The following PDE6B variants were observed in gnomAD, a reference collection of about 807,000 sequenced individuals.
PDE6B encodes the protein phosphodiesterase 6B, also known as rod cGMP-specific 3',5'-cyclic phosphodiesterase subunit beta.
In PDE6B, 106 loss-of-function variants were observed where a neutral mutation model predicts 109.0. The observed-to-expected ratio is 0.97, with a 90% CI of 0.83 to 1.14. PDE6B has a LOEUF of 1.14. PDE6B is among the 50% of genes most tolerant of loss of function. The pLI is 0.00. For missense variants in PDE6B, 1,193 were observed against 1,155.6 expected, an observed-to-expected ratio of 1.03 and a Z score of -0.47; for synonymous variants, 490 against 471.3, an observed-to-expected ratio of 1.04 and a Z score of -0.51.
intron 11 of PDE6B, 37 bp downstream of exon 11, chr4:659,054 GCC>G: frequency 6.7e-7 from 1 of 1,496,166 alleles, no homozygotes; most frequent in Non-Finnish European, 9.3e-7. Flanking sequence ...ATGGAGGCCG[GCC>G]ACGTGTGAGG....
intron 3 of PDE6B, among the ~76,000 whole-genome samples, chr4:643,710 A>G (rs1735055059): frequency 6.6e-6 from 1 of 151,944 alleles, no homozygotes; most frequent in Non-Finnish European, 1.5e-5. Flanking sequence ...TAGAGTTGTC[A>G]TAATATTTAT....
intron 1 of PDE6B, among the ~76,000 whole-genome samples, chr4:627,232 G>A (rs1201508983): frequency 1.3e-5 from 2 of 151,052 alleles, no homozygotes; most frequent in African/African-American, 2.4e-5. Flanking sequence ...TGCAACCTCC[G>A]TCTCCCACGT....
chr4:631,848 C>A (rs1734402672), intron 1 of PDE6B, among the ~76,000 whole-genome samples: 1 of 151,730 alleles, frequency 6.6e-6, no homozygotes, highest in South Asian at 2.1e-4. Context: ...GTGGCACCAT[C>A]TGAGGGTCAC....
Position 659,018 on chromosome 4 carries a change from G to C in PDE6B, c.1467+1G>C, listed in dbSNP as rs527236089. 1.2e-6 allele frequency: 2 copies of C among 1,612,078 alleles called. No homozygotes were observed. The highest frequency in any genetic ancestry group is 4.5e-5 in the East Asian group (2 of 44,870). On this transcript the variant is annotated splice_donor_variant, in intron 11 of 21. Transcript: ENST00000496514. LOFTEE classifies it high-confidence loss of function. ...TGAGGACGAGCTGGGCGAAATCCTG[G>C]TAAGAACCTTGCTCCCGTCCCTCCC...
intron 11 of PDE6B, among the ~76,000 whole-genome samples, chr4:660,052 GGTGTGCCTGGGTGCTCATGT>G (rs1736878614): frequency 6.6e-6 from 1 of 151,870 alleles, no homozygotes; most frequent in Non-Finnish European, 1.5e-5. Context: ...CATGTCTGTG[GGTGTGCCTGGGTGCTCATGT>G]GTGTGCCTGT....
At chr4:654,364 G>T (rs758757975) in intron 5 of PDE6B, 1 of 678,250 alleles carries the variant, frequency 1.5e-6, no homozygotes, top group East Asian at 2.7e-5. Flanking sequence ...CTGAATGAGG[G>T]CCGCCAGGCT....
chr4:647,897 AC>A (rs567131862), intron 3 of PDE6B, among the ~76,000 whole-genome samples: 1 of 151,842 alleles, frequency 6.6e-6, no homozygotes, highest in Non-Finnish European at 1.5e-5. Context: ...AAATGGTGAA[AC>A]CCCATCTCTA....
At chr4:652,520 C>T in intron 3 of PDE6B, 1 of 984,016 alleles carries the variant, frequency 1.0e-6, no homozygotes, top group South Asian at 4.7e-5. Flanking sequence ...GTGGCGGCCA[C>T]CACTGCCGTT....
At chr4:628,337 C>T (rs1172793846) in intron 1 of PDE6B, among the ~76,000 whole-genome samples, 4 of 152,212 alleles carry the variant, frequency 2.6e-5, no homozygotes, top group South Asian at 2.1e-4. Context: ...TGAGCCGCAC[C>T]GGCCAGTTCA....
In PDE6B at chr4:665,081, C is replaced by A; in HGVS notation, c.2193+137C>A. The A allele has an allele frequency of 2.4e-6, 2 of 848,196 alleles. No individual in the cohort carries two copies. Among genetic ancestry groups the A allele is most frequent in the Non-Finnish European group, 4.0e-6 (2 of 501,312 alleles). The allele number at this position is 848,196 out of a possible 1,614,324, so 52.5% of individuals were successfully genotyped here. A position where few individuals can be genotyped will look rare whatever the true frequency, so the allele number is the denominator to read the frequency against. On this transcript the variant is annotated intron_variant, in intron 18 of 21. Coordinates refer to ENST00000496514, the MANE Select transcript of PDE6B (RefSeq NM_000283.4). This position sits in a 1 kb window ranked among gnomAD's most constrained non-coding sequence, Gnocchi z 4.0. Reference sequence around the variant, plus strand: ...GGGCCACCTCGGGGCCAGGCCAGGGCGGCAAGGATGGGGGTACTGCAGTGT... The same window carrying A: ...GGGCCACCTCGGGGCCAGGCCAGGGAGGCAAGGATGGGGGTACTGCAGTGT...
At chr4:627,997 C>T (rs1210856604) in intron 1 of PDE6B, among the ~76,000 whole-genome samples, 5 of 152,210 alleles carry the variant, frequency 3.3e-5, no homozygotes, top group East Asian at 1.9e-4. Flanking sequence ...GTGCCATGGC[C>T]GCACCTGCCC....
intron 20 of PDE6B, among the ~76,000 whole-genome samples, chr4:667,485 T>G (rs548716034): frequency 1.3e-5 from 2 of 152,318 alleles, no homozygotes; most frequent in South Asian, 4.1e-4. Flanking sequence ...GCATGATGTG[T>G]GCCGTGTGTG....
chr4:663,836 G>T lies in PDE6B; in HGVS notation c.1987G>T (p.Ala663Ser). The T allele has an allele frequency of 6.2e-7, 1 of 1,611,932 alleles. No individual in the cohort carries two copies. ...GCACGTGATCCACCTGATGGACATC[G>T]CCATCATCGCCACGGACCTGGCCCT... The part of the protein sequence containing the change: ...HEHVIHLMDI[A>S]IIATDLALYF... Residue 663 changes from alanine to serine, a missense_variant, in exon 16 of 22, where the codon GCC becomes TCC. Physicochemically the swap from Ala to Ser is moderately conservative, Grantham distance 99. Transcript: ENST00000496514. This position sits in a 1 kb window ranked among gnomAD's most constrained non-coding sequence, Gnocchi z 4.0.
At chr4:655,044 G>C in intron 6 of PDE6B, 156 bp downstream of exon 6, 1 of 668,846 alleles carries the variant, frequency 1.5e-6, no homozygotes, top group Non-Finnish European at 2.7e-6. Context: ...GTGCCGTGGG[G>C]CATAGTGGAG....
chr4:635,974 C>G lies in PDE6B; in HGVS notation c.711+5C>G, dbSNP rs771400327. Reference sequence around the variant, plus strand: ...TGCGAGACGCGCCGCGGCCAGGTACCCACACGCTGAGCACAGCTCTGCCCA... The same window carrying G: ...TGCGAGACGCGCCGCGGCCAGGTACGCACACGCTGAGCACAGCTCTGCCCA... On this transcript the variant is annotated splice_donor_5th_base_variant and intron_variant, in intron 3 of 21. Transcript: ENST00000496514. 7.1e-6 allele frequency: 11 copies of G among 1,558,576 alleles called. No homozygotes were observed. The African/African-American group carries it at 1.5e-4, about 21-fold the overall frequency.
chr4:653,509 G>A (rs1336828255), intron 3 of PDE6B: 8 of 484,560 alleles, frequency 1.7e-5, no homozygotes, highest in Non-Finnish European at 2.9e-5. Context: ...CCTGCTCGCC[G>A]CAGGTGGTTC....
intron 3 of PDE6B, among the ~76,000 whole-genome samples, chr4:638,852 A>G (rs1402754546): frequency 6.6e-6 from 1 of 152,184 alleles, no homozygotes; most frequent in Non-Finnish European, 1.5e-5. Flanking sequence ...TCCAGCCCTC[A>G]ACCAGGGGCT....
chr4:662,221 A>G lies in PDE6B; in HGVS notation c.1702A>G (p.Thr568Ala), dbSNP rs1013206462. Reference sequence around the variant, plus strand: ...GCGCCACGGCTTCAACGTGGCCCAGACGATGTTCACGCTGCTCATGGTACG... The same window carrying G: ...GCGCCACGGCTTCAACGTGGCCCAGGCGATGTTCACGCTGCTCATGGTACG... Reference protein sequence around the residue: ...NWRHGFNVAQTMFTLLMTGKL... With the variant: ...NWRHGFNVAQAMFTLLMTGKL... Residue 568 changes from threonine (T) to alanine (A), a missense_variant, in exon 13 of 22, where the codon ACG (threonine) becomes GCG (alanine). Thr to Ala is a moderately conservative substitution (Grantham distance 58). Coordinates refer to ENST00000496514, the MANE Select transcript of PDE6B (RefSeq NM_000283.4). The surrounding 1 kb of genome is among the most constrained non-coding windows in gnomAD (Gnocchi z 4.3). 5.1e-6 allele frequency: 8 copies of G among 1,562,764 alleles called. No individual in the cohort carries two copies. The African/African-American group carries it at 9.5e-5, about 19-fold the overall frequency.
rs1331247646 is a variant in PDE6B, at chr4:657,503, G to C, written c.1401+9G>C. ...AGATCCAGCTCATCCTGGTGCGGCG[G>C]GGCAGGACGTCCAGGGGTCACCCAG... On this transcript the variant is annotated intron_variant, in intron 10 of 21. Transcript: ENST00000496514. 6.8e-7 allele frequency: 1 copy of C among 1,466,886 alleles called. No individual in the cohort carries two copies. The highest frequency in any genetic ancestry group is 9.5e-7 in the Non-Finnish European group (1 of 1,051,092). The allele number at this position is 1,466,886 out of a possible 1,614,324, so 90.9% of individuals were successfully genotyped here.
Sources: allele counts gnomAD v4.1 joint callset (sites outside exome capture counted in the v4.1 genomes callset), GRCh38; gene constraint gnomAD v4.1.1; non-coding constraint Gnocchi (gnomAD v3.1); transcripts MANE v1.5; gene names NCBI Gene and HGNC (gene_info 2026-07-23, HGNC 2026-07-21).